The following MDGA2 variants were observed in gnomAD, a reference collection of about 807,000 sequenced individuals.
MDGA2 encodes MAM domain containing glycosylphosphatidylinositol anchor 2.
Under a neutral mutation model 117.8 loss-of-function variants are expected in MDGA2, and 40 were observed. The observed-to-expected ratio is 0.34, with a 90% CI of 0.26 to 0.44. The LOEUF (loss-of-function observed/expected upper bound fraction) is 0.44, where lower values mean the gene tolerates loss of function less well. MDGA2 is among the 20% of genes least tolerant of loss of function. MDGA2 has a pLI of 1.00. For missense variants in MDGA2, 1,123 were observed against 1,250.6 expected (o/e 0.90, Z 1.54); for synonymous variants, 452 against 439.0 (o/e 1.03, Z -0.37).
rs147434990 is a variant in MDGA2, at chr14:47,257,683, A to G, written c.421-39488T>C. Among the ~76,000 whole-genome samples, 516 of 152,250 alleles carry G rather than the reference A, an allele frequency of 3.4e-3. 3 individuals carry two copies. Among genetic ancestry groups the G allele is most frequent in the African/African-American group, 0.012 (496 of 41,548 alleles). ...TTTAAACTGACTACATAATTTGATT[A>G]GTGAATCACTTTTTATAGTCCAAGA... On this transcript the variant is annotated intron_variant, in intron 2 of 16. Transcript: ENST00000399232.
Position 47,254,481 on chromosome 14 carries a change from C to G in MDGA2, c.421-36286G>C, listed in dbSNP as rs558852265. Among the ~76,000 whole-genome samples, 6 of 152,184 alleles carry G rather than the reference C, an allele frequency of 3.9e-5. No homozygotes were observed. In the South Asian group the frequency reaches 8.3e-4, roughly 21 times the overall value. On this transcript the variant is annotated intron_variant, in intron 2 of 16. Coordinates refer to ENST00000399232, the MANE Select transcript of MDGA2 (RefSeq NM_001113498.3). ...GAGTTGCCTCTCCTCCAGTTCCCAA[C>G]AAGTTCCTCATCTTCATCTGAGATC...
At chr14:47,354,355 T>C (rs900883563) in intron 1 of MDGA2, among the ~76,000 whole-genome samples, 1 of 152,112 alleles carries the variant, frequency 6.6e-6, no homozygotes, top group East Asian at 1.9e-4. Flanking sequence ...TGAGTTCTTG[T>C]TGTTTCAAAA....
At chr14:47,613,572 T>C (rs909801736) in intron 1 of MDGA2, among the ~76,000 whole-genome samples, 3 of 151,990 alleles carry the variant, frequency 2.0e-5, no homozygotes, top group Admixed American at 6.6e-5. Flanking sequence ...ATATTATTTA[T>C]TGTGAAAGAG....
At chr14:47,211,318 G>A (rs1270463605) in intron 3 of MDGA2, among the ~76,000 whole-genome samples, 3 of 152,112 alleles carry the variant, frequency 2.0e-5, no homozygotes, top group Admixed American at 1.3e-4. Flanking sequence ...ATGTTAGTCT[G>A]CCACAGTTTC....
At chr14:46,949,267 A>C (rs1885283859) in intron 9 of MDGA2, among the ~76,000 whole-genome samples, 1 of 152,050 alleles carries the variant, frequency 6.6e-6, no homozygotes, top group African/African-American at 2.4e-5. Flanking sequence ...AGTCATACCC[A>C]CAGTACATCA....
intron 8 of MDGA2, among the ~76,000 whole-genome samples, chr14:47,030,756 T>C (rs1204055686): frequency 1.3e-5 from 2 of 152,144 alleles, no homozygotes; most frequent in African/African-American, 2.4e-5. Flanking sequence ...AAACATTACA[T>C]TGTACTTTGC....
chr14:47,325,856 T>C (rs1469189569), intron 1 of MDGA2, among the ~76,000 whole-genome samples: 1 of 152,124 alleles, frequency 6.6e-6, no homozygotes, highest in Non-Finnish European at 1.5e-5. Context: ...TTAGATAAAA[T>C]TATAGAGAGG....
chr14:47,028,113 T>A (rs919323369), intron 8 of MDGA2, among the ~76,000 whole-genome samples: 1 of 152,174 alleles, frequency 6.6e-6, no homozygotes, highest in African/African-American at 2.4e-5. Context: ...TAAGATTCTA[T>A]GAGTCAAAGA....
chr14:47,497,323 C>G (rs2138665972), intron 1 of MDGA2, among the ~76,000 whole-genome samples: 1 of 152,312 alleles, frequency 6.6e-6, no homozygotes, highest in East Asian at 1.9e-4. Flanking sequence ...GTGGCCCAAT[C>G]TCGGCTCACT....
chr14:46,906,454 A>G (rs989157188), intron 10 of MDGA2, among the ~76,000 whole-genome samples: 3 of 152,138 alleles, frequency 2.0e-5, no homozygotes, highest in East Asian at 1.9e-4. Flanking sequence ...GGATATTGAT[A>G]GAAACACTGA....
intron 8 of MDGA2, among the ~76,000 whole-genome samples, chr14:46,988,627 A>G (rs1405557919): frequency 2.0e-5 from 3 of 152,040 alleles, no homozygotes; most frequent in Admixed American, 6.6e-5. Context: ...AAGAGAATAA[A>G]TAAGTGCAGC....
At chr14:47,167,054 A>G in intron 3 of MDGA2, among the ~76,000 whole-genome samples, 1 of 152,184 alleles carries the variant, frequency 6.6e-6, no homozygotes, top group East Asian at 1.9e-4. Context: ...TCTCAAATGT[A>G]GACTCTGACC....
At chr14:47,147,739 T>C (rs1021237021) in intron 3 of MDGA2, among the ~76,000 whole-genome samples, 1 of 152,148 alleles carries the variant, frequency 6.6e-6, no homozygotes, top group African/African-American at 2.4e-5. Context: ...GATAAATCTA[T>C]CTGTGAAAAG....
intron 6 of MDGA2, among the ~76,000 whole-genome samples, chr14:47,092,946 T>G (rs1879748487): frequency 6.6e-6 from 1 of 152,076 alleles, no homozygotes; most frequent in South Asian, 2.1e-4. Context: ...CATAGATGTA[T>G]ATATCGTCTA....
intron 1 of MDGA2, among the ~76,000 whole-genome samples, chr14:47,309,392 T>C (rs1889562367): frequency 6.6e-6 from 1 of 152,134 alleles, no homozygotes; most frequent in Non-Finnish European, 1.5e-5. Flanking sequence ...ATTTGATGAG[T>C]TGTAAAGTGA....
chr14:46,967,945 C>T (rs901650216), intron 8 of MDGA2, among the ~76,000 whole-genome samples: 2 of 152,018 alleles, frequency 1.3e-5, no homozygotes, highest in Non-Finnish European at 2.9e-5. Flanking sequence ...CTGCAGATGC[C>T]GGGAAAGAGT....
chr14:47,476,165 A>C (rs1282181333), intron 1 of MDGA2, among the ~76,000 whole-genome samples: 1 of 152,222 alleles, frequency 6.6e-6, no homozygotes, highest in South Asian at 2.1e-4. Flanking sequence ...CAAATTATCA[A>C]AAGTATAACA....
intron 1 of MDGA2, among the ~76,000 whole-genome samples, chr14:47,467,856 T>C (rs996941432): frequency 6.6e-6 from 1 of 152,154 alleles, no homozygotes; most frequent in Non-Finnish European, 1.5e-5. Context: ...AAATGACCCA[T>C]ACATTTTAAC....
chr14:47,599,087 T>C (rs1485510210), intron 1 of MDGA2, among the ~76,000 whole-genome samples: 1 of 152,034 alleles, frequency 6.6e-6, no homozygotes, highest in Non-Finnish European at 1.5e-5. Flanking sequence ...TCCCATCAGT[T>C]TATTTCATCT....
Sources: gnomAD v4.1 joint callset for allele counts (sites outside exome capture counted in the v4.1 genomes callset) on GRCh38, gnomAD v4.1.1 for gene constraint, MANE v1.5 for transcripts, NCBI Gene and HGNC (gene_info 2026-07-23, HGNC 2026-07-21) for gene names.